The following ADAMTS6 variants were observed in gnomAD, a reference collection of about 807,000 sequenced individuals.
ADAMTS6 encodes ADAM metallopeptidase with thrombospondin type 1 motif 6.
In ADAMTS6, 23 loss-of-function variants were observed where a neutral mutation model predicts 144.3. The observed-to-expected ratio is 0.16, with a 90% CI of 0.11 to 0.23. The LOEUF (loss-of-function observed/expected upper bound fraction) is 0.23. Among genes scored for constraint, ADAMTS6 ranks in the 10% least tolerant of loss-of-function variants. The pLI is 1.00. For synonymous variants in ADAMTS6, 444 were observed against 457.5 expected, an observed-to-expected ratio of 0.97 and a Z score of 0.38; for missense variants, 999 against 1,379.6, an observed-to-expected ratio of 0.72 and a Z score of 4.37.
intron 7 of ADAMTS6, among the ~76,000 whole-genome samples, chr5:65,427,468 T>G (rs1233755618): frequency 6.6e-6 from 1 of 152,092 alleles, no homozygotes; most frequent in African/African-American, 2.4e-5. Flanking sequence ...GGTATACAGA[T>G]AAACTAAAAT....
At chr5:65,456,108 T>G (rs1759174855) in intron 4 of ADAMTS6, among the ~76,000 whole-genome samples, 1 of 151,886 alleles carries the variant, frequency 6.6e-6, no homozygotes, top group Non-Finnish European at 1.5e-5. Flanking sequence ...AAAAATTAAG[T>G]TAATCCAGCA....
chr5:65,254,826 G>C (rs958524411), intron 14 of ADAMTS6, among the ~76,000 whole-genome samples: 2 of 152,160 alleles, frequency 1.3e-5, no homozygotes, highest in African/African-American at 4.8e-5. Context: ...TATGTTGAAA[G>C]AATGGAAATA....
intron 14 of ADAMTS6, among the ~76,000 whole-genome samples, chr5:65,246,755 T>C (rs1759663125): frequency 1.3e-5 from 2 of 152,168 alleles, no homozygotes; most frequent in African/African-American, 4.8e-5. Flanking sequence ...ACTTGGGGAC[T>C]TGATTCCACG....
chr5:65,356,001 G>A (rs189423971), intron 7 of ADAMTS6, among the ~76,000 whole-genome samples: 6 of 151,718 alleles, frequency 4.0e-5, no homozygotes, highest in South Asian at 2.1e-4. Context: ...TCAAACACAA[G>A]CACACACATT....
In ADAMTS6 at chr5:65,451,620, G is replaced by C. The variant is rs147540204; in HGVS notation, c.928C>G (p.Pro310Ala). The C allele has an allele frequency of 4.4e-4, 708 of 1,612,342 alleles. 4 individuals are homozygous for C. The East Asian group carries it at 0.014, about 32-fold the overall frequency. ...GCATGGTGGTTTATCTCCAAGTTTG[G>C]CTGCAATACAACATGCATACCAGAA... ...ARLIVLTEDQ[P>A]NLEINHHADK... The change falls in exon 7 of 25, where the codon CCA becomes GCA. Residue 310 changes from proline to alanine, a missense_variant and splice_region_variant. By Grantham distance (27) the Pro-to-Ala change is conservative. Coordinates refer to ENST00000381055, the MANE Select transcript of ADAMTS6 (RefSeq NM_197941.4).
chr5:65,179,648 C>T (rs1754212249), intron 22 of ADAMTS6, among the ~76,000 whole-genome samples: 1 of 151,382 alleles, frequency 6.6e-6, no homozygotes, highest in South Asian at 2.1e-4. Context: ...ATTTAGGCTA[C>T]TTGGATAAAA....
chr5:65,439,058 C>T (rs1757669228), intron 7 of ADAMTS6, among the ~76,000 whole-genome samples: 1 of 151,934 alleles, frequency 6.6e-6, no homozygotes, highest in Admixed American at 6.6e-5. Flanking sequence ...GGACAGAATG[C>T]TACAGAAATG....
At chr5:65,344,849 C>T (rs766298132) in intron 7 of ADAMTS6, among the ~76,000 whole-genome samples, 4 of 151,754 alleles carry the variant, frequency 2.6e-5, no homozygotes, top group Non-Finnish European at 5.9e-5. Flanking sequence ...TGCTATCTGG[C>T]TCACTTTTCT....
intron 7 of ADAMTS6, among the ~76,000 whole-genome samples, chr5:65,435,318 G>T (rs1757305190): frequency 6.6e-6 from 1 of 152,106 alleles, no homozygotes; most frequent in South Asian, 2.1e-4. Flanking sequence ...GAATTAGGGG[G>T]AAAATGTTGG....
chr5:65,368,164 A>G (rs1180471543), intron 7 of ADAMTS6, among the ~76,000 whole-genome samples: 2 of 152,090 alleles, frequency 1.3e-5, no homozygotes, highest in African/African-American at 2.4e-5. Context: ...TCTTATTCCA[A>G]TTTCACATTT....
chr5:65,426,213 A>T (rs1178117422), intron 7 of ADAMTS6, among the ~76,000 whole-genome samples: 3 of 140,198 alleles, frequency 2.1e-5, no homozygotes, highest in African/African-American at 7.9e-5. Flanking sequence ...TGCCTGGCTA[A>T]TTTTTTTTTT....
intron 14 of ADAMTS6, among the ~76,000 whole-genome samples, chr5:65,256,767 A>C (rs557968661): frequency 4.3e-4 from 66 of 152,238 alleles, no homozygotes; most frequent in African/African-American, 1.4e-3. Context: ...CAATTATATA[A>C]TAATGGAATG....
intron 21 of ADAMTS6, among the ~76,000 whole-genome samples, chr5:65,189,579 T>C (rs1329870203): frequency 6.6e-6 from 1 of 152,244 alleles, no homozygotes; most frequent in Non-Finnish European, 1.5e-5. Flanking sequence ...TCTTATGTGC[T>C]GAAGCCAGCT....
At chr5:65,249,042 T>C (rs1040940470) in intron 14 of ADAMTS6, among the ~76,000 whole-genome samples, 3 of 152,082 alleles carry the variant, frequency 2.0e-5, no homozygotes, top group Admixed American at 2.0e-4. Flanking sequence ...CATGTCTGTC[T>C]GTGTGTATGT....
intron 7 of ADAMTS6, among the ~76,000 whole-genome samples, chr5:65,388,749 T>C (rs992961621): frequency 6.6e-6 from 1 of 152,242 alleles, no homozygotes; most frequent in Non-Finnish European, 1.5e-5. Context: ...AACAAAATAC[T>C]GCTACGTAGT....
At chr5:65,302,092 C>CA (rs1182825165) in intron 9 of ADAMTS6, among the ~76,000 whole-genome samples, 1,313 of 19,902 alleles carry the variant, frequency 0.066, 47 homozygotes, top group Admixed American at 0.086. Flanking sequence ...GCTCTGTCTC[C>CA]AAAAAAAAAA....
intron 1 of ADAMTS6, among the ~76,000 whole-genome samples, chr5:65,476,930 T>A (rs1366260632): frequency 6.6e-6 from 1 of 152,168 alleles, no homozygotes; most frequent in Non-Finnish European, 1.5e-5. Context: ...TTATAAGTGG[T>A]ATTGGTTAGT....
intron 20 of ADAMTS6, among the ~76,000 whole-genome samples, chr5:65,201,072 C>G (rs1487286468): frequency 6.6e-6 from 1 of 152,182 alleles, no homozygotes; most frequent in Non-Finnish European, 1.5e-5. Context: ...AATCACTGCT[C>G]TAGCTACATA....
intron 9 of ADAMTS6, among the ~76,000 whole-genome samples, chr5:65,326,039 G>T (rs752333581): frequency 6.6e-6 from 1 of 151,728 alleles, no homozygotes; most frequent in Non-Finnish European, 1.5e-5. Context: ...TCTTTTAAAA[G>T]AAAATCCTGG....
Sources: allele counts gnomAD v4.1 joint callset (sites outside exome capture counted in the v4.1 genomes callset), GRCh38; gene constraint gnomAD v4.1.1; transcripts MANE v1.5; gene names NCBI Gene and HGNC (gene_info 2026-07-23, HGNC 2026-07-21).